RBFOX1: variants seen among roughly 807,000 people sequenced by gnomAD.
RBFOX1 encodes RNA binding fox-1 homolog 1.
In RBFOX1, 8 loss-of-function variants were observed where a neutral mutation model predicts 57.7. The ratio of observed to expected loss-of-function variants is 0.14; its 90% CI spans 0.08 to 0.25. The LOEUF is 0.25. Among genes scored for constraint, RBFOX1 ranks in the 10% least tolerant of loss-of-function variants. The pLI is 1.00. For missense variants in RBFOX1, 611 were observed against 548.5 expected (o/e 1.11, Z -1.14); for synonymous variants, 326 against 222.4 (o/e 1.47, Z -4.15).
chr16:6,653,955 G>T (rs1305530222), intron 2 of RBFOX1, among the ~76,000 whole-genome samples: 3 of 128,212 alleles, frequency 2.3e-5, no homozygotes, highest in South Asian at 6.0e-4. Flanking sequence ...GGTGGATGAA[G>T]GATGGATGGT....
chr16:6,159,235 C>G (rs1000262237), intron 1 of RBFOX1, among the ~76,000 whole-genome samples: 1 of 152,140 alleles, frequency 6.6e-6, no homozygotes, highest in East Asian at 1.9e-4. Context: ...CACCACCACA[C>G]CCAGCTAATT....
intron 4 of RBFOX1, among the ~76,000 whole-genome samples, chr16:7,503,267 G>A (rs368568497): frequency 1.3e-5 from 2 of 152,132 alleles, no homozygotes; most frequent in East Asian, 1.9e-4. Flanking sequence ...AGTCAGCAAC[G>A]TTCACGGCAG....
intron 3 of RBFOX1, among the ~76,000 whole-genome samples, chr16:5,781,220 G>T (rs1213610808): frequency 1.3e-5 from 2 of 152,196 alleles, no homozygotes; most frequent in Admixed American, 6.5e-5. Flanking sequence ...GAGAAAACTG[G>T]GGCAGGGAGG....
chr16:6,940,041 C>G (rs1245289336), intron 3 of RBFOX1, among the ~76,000 whole-genome samples: 3 of 152,048 alleles, frequency 2.0e-5, no homozygotes, highest in East Asian at 1.9e-4. Flanking sequence ...AGGGCAAAAC[C>G]CTGTCTCTAC....
rs370149174 is a variant in RBFOX1, at chr16:7,567,626, T to G, written c.271-12151T>G. The stretch of plus-strand genomic sequence containing the variant: ...ATATCCCTTTATATGGCCCTATATA[T>G]ATATATATATCCCTATATATGGCCC... On this transcript the variant is annotated intron_variant, in intron 5 of 15. Coordinates refer to ENST00000550418, the MANE Select transcript of RBFOX1 (RefSeq NM_018723.4). 1.4e-3 allele frequency among the ~76,000 whole-genome samples: 94 copies of G among 68,574 alleles called. 1 individual carries two copies. The highest frequency in any genetic ancestry group is 3.3e-3 in the East Asian group (7 of 2,090). The allele number at this position is 68,574 out of a possible 152,430, so 45.0% of individuals were successfully genotyped here. A position where few individuals can be genotyped will look rare whatever the true frequency, so the allele number is the denominator to read the frequency against.
intron 3 of RBFOX1, among the ~76,000 whole-genome samples, chr16:6,868,183 T>C (rs1053654581): frequency 3.9e-5 from 6 of 152,228 alleles, no homozygotes; most frequent in African/African-American, 7.2e-5. Flanking sequence ...TTGAAGTCTT[T>C]CAGTGCTACA....
chr16:5,395,381 T>C (rs1688772852), intron 1 of RBFOX1, among the ~76,000 whole-genome samples: 1 of 152,230 alleles, frequency 6.6e-6, no homozygotes, highest in Admixed American at 6.5e-5. Context: ...AGGGAGACCA[T>C]GACTCCTAGA....
At chr16:6,005,665 A>C (rs1371792550) in intron 4 of RBFOX1, among the ~76,000 whole-genome samples, 1 of 152,184 alleles carries the variant, frequency 6.6e-6, no homozygotes, top group Non-Finnish European at 1.5e-5. Flanking sequence ...GACAACCAAA[A>C]ATGTCTCTAG....
chr16:6,588,260 A>G (rs541571484), intron 2 of RBFOX1, among the ~76,000 whole-genome samples: 1 of 151,742 alleles, frequency 6.6e-6, no homozygotes, highest in African/African-American at 2.4e-5. Context: ...CAGTTTTGCT[A>G]TACAGCCACA....
At chr16:6,664,689 A>C (rs534740013) in intron 3 of RBFOX1, among the ~76,000 whole-genome samples, 8 of 152,362 alleles carry the variant, frequency 5.3e-5, no homozygotes, top group Admixed American at 1.3e-4. Flanking sequence ...TTGCGTGTTC[A>C]GAACCCACAG....
Position 6,604,432 on chromosome 16 carries a change from C to T in RBFOX1, c.-63-50171C>T, listed in dbSNP as rs567668307. On this transcript the variant is annotated intron_variant, in intron 2 of 15. Transcript: ENST00000550418. ...ATTTAAGTGATCTTCCCATCTCAGC[C>T]TCCTGAATAGCTGTGCATTCTTGTT... Among the ~76,000 whole-genome samples, 35 of 152,166 alleles carry T rather than the reference C, an allele frequency of 2.3e-4. 1 individual carries two copies. The highest frequency in any genetic ancestry group is 7.9e-4 in the African/African-American group (33 of 41,516).
chr16:5,504,259 G>A (rs1049522150), intron 2 of RBFOX1, among the ~76,000 whole-genome samples: 2 of 152,200 alleles, frequency 1.3e-5, no homozygotes, highest in African/African-American at 2.4e-5. Flanking sequence ...AGAGCCCAGA[G>A]CACAGAGCAG....
At chr16:5,856,190 TATATATATATATATATAC>T (rs2057033815) in intron 3 of RBFOX1, among the ~76,000 whole-genome samples, 4 of 49,432 alleles carry the variant, frequency 8.1e-5, no homozygotes, top group Non-Finnish European at 8.5e-5. Context: ...TCTCTCTCTA[TATATATATATATATATAC>T]ATATATATGT....
At chr16:6,938,372 A>C (rs1390347409) in intron 3 of RBFOX1, among the ~76,000 whole-genome samples, 2 of 152,206 alleles carry the variant, frequency 1.3e-5, no homozygotes, top group Non-Finnish European at 2.9e-5. Context: ...TTAGCACAGC[A>C]CATAGAGCAT....
intron 3 of RBFOX1, among the ~76,000 whole-genome samples, chr16:5,780,486 T>C (rs989804714): frequency 6.6e-6 from 1 of 152,228 alleles, no homozygotes; most frequent in Admixed American, 6.5e-5. Flanking sequence ...GATAAAATCA[T>C]AATATCACGT....
chr16:7,169,210 A>T (rs748575270), intron 4 of RBFOX1, among the ~76,000 whole-genome samples: 8 of 152,230 alleles, frequency 5.3e-5, no homozygotes, highest in Non-Finnish European at 7.3e-5. Context: ...TATGAACAGG[A>T]TGTGATGATA....
chr16:5,901,472 G>A (rs1046935100), intron 4 of RBFOX1, among the ~76,000 whole-genome samples: 3 of 152,124 alleles, frequency 2.0e-5, no homozygotes, highest in African/African-American at 7.2e-5. Flanking sequence ...TGTTCCGAAG[G>A]TTTGCCTATA....
intron 1 of RBFOX1, among the ~76,000 whole-genome samples, chr16:6,144,114 G>C (rs922018807): frequency 5.3e-5 from 8 of 151,828 alleles, no homozygotes; most frequent in African/African-American, 1.9e-4. Context: ...TACCATTTTT[G>C]GTTTGTACTA....
chr16:6,671,905 G>A (rs112831217), intron 3 of RBFOX1, among the ~76,000 whole-genome samples: 24 of 152,144 alleles, frequency 1.6e-4, no homozygotes, highest in African/African-American at 5.3e-4. Context: ...CTTTTCACAC[G>A]CCAAGTTGCC....
Sources: allele counts gnomAD v4.1 joint callset (sites outside exome capture counted in the v4.1 genomes callset), GRCh38; gene constraint gnomAD v4.1.1; transcripts MANE v1.5; gene names NCBI Gene and HGNC (gene_info 2026-07-23, HGNC 2026-07-21).